Variants in GLYATL1 observed in about 807,000 individuals in gnomAD.
GLYATL1 encodes the protein glycine-N-acyltransferase like 1, also known as glycine N-acyltransferase-like protein 1.
A neutral mutation model predicts 20.0 loss-of-function variants in GLYATL1; 15 were observed. The observed-to-expected ratio is 0.75, with a 90% CI of 0.50 to 1.15. GLYATL1 has a LOEUF of 1.15. Ranked by LOEUF, GLYATL1 falls within the 50% of genes most tolerant of loss-of-function variation. The probability of loss-of-function intolerance (pLI) is 0.00; values close to 1 mark genes in which losing one functional copy is unlikely to be tolerated. For synonymous variants in GLYATL1, 151 were observed against 131.5 expected (o/e 1.15, Z -1.01); for missense variants, 380 against 368.5 (o/e 1.03, Z -0.26).
chr11:58,909,255 G>A (rs962947416), downstream of GLYATL1, among the ~76,000 whole-genome samples: 2 of 152,150 alleles, frequency 1.3e-5, no homozygotes, highest in Admixed American at 1.3e-4. Context: ...GGAAAACAGA[G>A]GTATTAGTCA....
intron 3 of GLYATL1, 115 bp from the exon 4 acceptor site, chr11:58,947,743 C>A: frequency 1.4e-6 from 1 of 726,152 alleles, no homozygotes; most frequent in Non-Finnish European, 2.5e-6. Context: ...ATCTCACCAT[C>A]ACTGACTTGG....
chr11:58,906,055 G>C (rs997273033), intron 1 of GLYATL1, among the ~76,000 whole-genome samples: 2 of 152,190 alleles, frequency 1.3e-5, no homozygotes, highest in South Asian at 2.1e-4. Flanking sequence ...CAACACCTGC[G>C]AATCGGGAGC....
intron 1 of GLYATL1, among the ~76,000 whole-genome samples, chr11:58,922,052 G>T (rs146601807): frequency 0.011 from 1,737 of 152,282 alleles, 17 homozygotes; most frequent in Non-Finnish European, 0.017. Flanking sequence ...ACCCTTGCAG[G>T]ATTGTCTCTT....
chr11:58,906,093 G>A (rs969823001), intron 1 of GLYATL1, among the ~76,000 whole-genome samples: 4 of 152,186 alleles, frequency 2.6e-5, no homozygotes, highest in Non-Finnish European at 2.9e-5. Flanking sequence ...GCACTGTCTG[G>A]TCAGGCTCGC....
intron 2 of GLYATL1, 39 bp downstream of exon 2, chr11:58,943,705 T>G: frequency 6.2e-7 from 1 of 1,606,214 alleles, no homozygotes; most frequent in Non-Finnish European, 8.5e-7. Context: ...CACACGTTGG[T>G]GTTTTGAGCT....
chr11:58,924,752 G>T (rs908024901), upstream of GLYATL1, among the ~76,000 whole-genome samples: 1 of 152,178 alleles, frequency 6.6e-6, no homozygotes, highest in Admixed American at 6.5e-5. Context: ...GTGACCGGTA[G>T]TGTTACCTGG....
chr11:58,937,095 C>T (rs1467842024), upstream of GLYATL1, among the ~76,000 whole-genome samples: 1 of 152,186 alleles, frequency 6.6e-6, no homozygotes, highest in African/African-American at 2.4e-5. Flanking sequence ...CATAAAGAAC[C>T]TGTGTTTACT....
upstream of GLYATL1, among the ~76,000 whole-genome samples, chr11:58,936,139 A>G (rs913171641): frequency 3.9e-5 from 6 of 152,240 alleles, no homozygotes; most frequent in African/African-American, 1.4e-4. Flanking sequence ...AAATTTTTTC[A>G]TAACATAATA....
chr11:58,911,914 C>A (rs192052628), downstream of GLYATL1, among the ~76,000 whole-genome samples: 1 of 152,142 alleles, frequency 6.6e-6, no homozygotes, highest in African/African-American at 2.4e-5. Context: ...TCACAAAAAT[C>A]ATTTCTAAGT....
exon 2 of GLYATL1, chr11:58,907,741 T>A (rs1854938867): frequency 4.8e-6 from 1 of 206,340 alleles, no homozygotes; most frequent in African/African-American, 2.3e-5. Flanking sequence ...AATTTTTACA[T>A]TCCTATCAAT....
rs533871601 is a variant in GLYATL1 at position 58,949,611 on chromosome 11, G to C, written c.186+1646G>C. Among the ~76,000 whole-genome samples the C allele has an allele frequency of 5.1e-4, 78 of 151,956 alleles. 1 individual carries two copies. Among genetic ancestry groups the C allele is most frequent in the African/African-American group, 1.7e-3 (70 of 41,432 alleles). ...TCATGTATGCATTGCTTTGAACAAA[G>C]TTAGTTTTTACAGTGAGTCAATAAA... is the stretch of plus-strand genomic sequence containing the variant. On this transcript the variant is annotated intron_variant, in intron 4 of 6. Coordinates refer to ENST00000532726, the MANE Select transcript of GLYATL1 (RefSeq NM_001389712.2).
chr11:58,950,503 T>G (rs1380569667), intron 4 of GLYATL1, among the ~76,000 whole-genome samples: 1 of 152,210 alleles, frequency 6.6e-6, no homozygotes, highest in Non-Finnish European at 1.5e-5. Flanking sequence ...TGTTCATACT[T>G]CTTTGCCACT....
chr11:58,913,520 A>C (rs371763207), downstream of GLYATL1, among the ~76,000 whole-genome samples: 426 of 152,304 alleles, frequency 2.8e-3, 6 homozygotes, highest in African/African-American at 9.7e-3. Flanking sequence ...CACTTTGATC[A>C]CTTATTCAAT....
Position 58,955,889 on chromosome 11 carries a change from G to GA in GLYATL1, c.773dup (p.Asn259GlufsTer13). 2.5e-6 allele frequency: 4 copies of GA among 1,614,200 alleles called. No homozygotes were observed. Among genetic ancestry groups the GA allele is most frequent in the Non-Finnish European group, 3.4e-6 (4 of 1,180,036 alleles). On this transcript the variant is annotated frameshift_variant, in exon 7 of 7. Coordinates refer to ENST00000532726, the MANE Select transcript of GLYATL1 (RefSeq NM_001389712.2). LOFTEE classifies it low-confidence loss of function (END_TRUNC). ...TGCGATACATGAAATATCTGCGTCAGAAGAATATTCCATTTTACATCTCTG... is the reference window on the plus strand; with the variant it reads ...TGCGATACATGAAATATCTGCGTCAGAAAGAATATTCCATTTTACATCTCTG...
At chr11:58,929,547 A>G (rs761809680) in intron 1 of GLYATL1, among the ~76,000 whole-genome samples, 9 of 151,902 alleles carry the variant, frequency 5.9e-5, no homozygotes, top group Non-Finnish European at 1.2e-4. Context: ...ATTTTTCCCT[A>G]TTGCTGAGCC....
At chr11:58,939,913 G>T (rs1856018292) in intron 1 of GLYATL1, among the ~76,000 whole-genome samples, 1 of 152,166 alleles carries the variant, frequency 6.6e-6, no homozygotes, top group Non-Finnish European at 1.5e-5. Flanking sequence ...TTTGCAGGTT[G>T]ATTGAGCCCA....
chr11:58,931,637 A>C (rs758980101), intron 1 of GLYATL1, among the ~76,000 whole-genome samples: 1 of 152,248 alleles, frequency 6.6e-6, no homozygotes, highest in Non-Finnish European at 1.5e-5. Flanking sequence ...AAACAACAGA[A>C]TACATCCTTT....
chr11:58,951,204 A>C (rs1856969388), intron 4 of GLYATL1, among the ~76,000 whole-genome samples: 1 of 152,120 alleles, frequency 6.6e-6, no homozygotes, highest in South Asian at 2.1e-4. Context: ...TGCAAACTTC[A>C]TTCTATTTGG....
upstream of GLYATL1, chr11:58,935,803 G>C (rs186185429): frequency 3.8e-3 from 583 of 152,192 alleles, 6 homozygotes; most frequent in African/African-American, 0.013. Context: ...AAAACTTTAG[G>C]AGGTGATGAA....
Sources: allele counts gnomAD v4.1 joint callset (sites outside exome capture counted in the v4.1 genomes callset), GRCh38; gene constraint gnomAD v4.1.1; transcripts MANE v1.5; gene names NCBI Gene and HGNC (gene_info 2026-07-23, HGNC 2026-07-21).